Variants in DAGLA observed in about 807,000 individuals in gnomAD.
DAGLA encodes the protein diacylglycerol lipase alpha, also known as diacylglycerol lipase-alpha.
Under a neutral mutation model 102.6 loss-of-function variants are expected in DAGLA, and 22 were observed. That is an observed-to-expected ratio of 0.21 (90% CI 0.15 to 0.31). DAGLA has a LOEUF of 0.31. Ranked by LOEUF, DAGLA falls within the 10% of genes least tolerant of loss-of-function variation. The pLI, the probability that DAGLA is intolerant of heterozygous loss-of-function variation, is 1.00. For synonymous variants in DAGLA, 578 were observed against 628.9 expected (o/e 0.92, Z 1.21); for missense variants, 927 against 1,446.6 (o/e 0.64, Z 5.83).
intron 1 of DAGLA, 78 bp downstream of exon 1, chr11:61,680,582 C>A: frequency 6.7e-6 from 1 of 149,394 alleles, no homozygotes; most frequent in South Asian, 1.8e-4. Flanking sequence ...TGGGCAGTGT[C>A]CAGGGCGCGC....
rs1828672747 is a variant in DAGLA, at chr11:61,725,938, C to T, written c.549-57C>T. ...GCCCTGTTTCCATAACGTCTGGGTC[C>T]CAGCTCTTCTGGTCCAGCCCTCTGA... On this transcript the variant is annotated intron_variant, in intron 5 of 19. Coordinates refer to ENST00000257215, the MANE Select transcript of DAGLA (RefSeq NM_006133.3). 1.5e-5 allele frequency: 22 copies of T among 1,509,186 alleles called. 1 individual carries two copies. The highest frequency in any genetic ancestry group is 1.9e-5 in the Non-Finnish European group (21 of 1,087,908). 93.5% of individuals were successfully genotyped at this position (1,509,186 alleles called of 1,614,324 possible).
At chr11:61,689,099 G>A (rs1169904198) in intron 1 of DAGLA, among the ~76,000 whole-genome samples, 3 of 152,256 alleles carry the variant, frequency 2.0e-5, no homozygotes, top group African/African-American at 4.8e-5. Flanking sequence ...CCTTCTGCGG[G>A]CCGGGATTAC....
chr11:61,731,366 T>C lies in DAGLA; in HGVS notation c.899T>C (p.Leu300Pro). The C allele has an allele frequency of 6.2e-7, 1 of 1,614,144 alleles. No individual in the cohort carries two copies. The highest frequency in any genetic ancestry group is 8.5e-7 in the Non-Finnish European group (1 of 1,180,030). Residue 300 changes from leucine (L) to proline (P), a missense_variant, in exon 9 of 20, where the codon CTG becomes CCG. By Grantham distance (98) the Leu-to-Pro change is moderately conservative. Around this residue, in one of 4 missense-constraint regions of DAGLA, gnomAD observed 231 missense variants for 439.8 expected, o/e 0.53. Transcript: ENST00000257215. ...GTCTGCTACTACATGCTCTTTGCCC[T>C]GGCTGCCTACGGGTGGCCCATGTAC... The part of the protein sequence containing the change: ...KEVCYYMLFA[L>P]AAYGWPMYLM...
rs774547945 is a variant in DAGLA, at chr11:61,684,883, CA to C, written c.-45+4380del. 2.6e-5 allele frequency among the ~76,000 whole-genome samples: 4 copies of C among 152,078 alleles called. No individual in the cohort carries two copies. Among genetic ancestry groups the C allele is most frequent in the East Asian group, 3.9e-4 (2 of 5,174 alleles). ...AGTGGGAGTCGGAGGAGGCTGCCTTCAGGCTGTGGGAGGGCAGAGGGTGGGT... is the reference window on the plus strand; with the variant it reads ...AGTGGGAGTCGGAGGAGGCTGCCTTCGGCTGTGGGAGGGCAGAGGGTGGGT... On this transcript the variant is annotated intron_variant, in intron 1 of 19. Transcript: ENST00000257215. This position sits in a 1 kb window ranked among gnomAD's most constrained non-coding sequence, Gnocchi z 4.5.
chr11:61,694,040 T>C (rs562295472), intron 1 of DAGLA, among the ~76,000 whole-genome samples: 2 of 152,358 alleles, frequency 1.3e-5, no homozygotes, highest in East Asian at 3.9e-4. Flanking sequence ...ACATAGGATA[T>C]GCTCGGAGAG....
intron 5 of DAGLA, 25 bp from the exon 6 acceptor site, chr11:61,725,966 TCACA>T: frequency 6.2e-7 from 1 of 1,605,622 alleles, no homozygotes; most frequent in Non-Finnish European, 8.5e-7. Flanking sequence ...CCCTCTGACC[TCACA>T]CATACCGCCT....
chr11:61,703,678 AATGGATGG>A (rs10664991), intron 1 of DAGLA, among the ~76,000 whole-genome samples: 35 of 149,568 alleles, frequency 2.3e-4, no homozygotes, highest in East Asian at 7.9e-4. Context: ...AGGATGGAGG[AATGGATGG>A]ATGGATGGAT....
intron 1 of DAGLA, among the ~76,000 whole-genome samples, chr11:61,712,184 C>T (rs1034076187): frequency 6.6e-6 from 1 of 152,176 alleles, no homozygotes; most frequent in Non-Finnish European, 1.5e-5. Context: ...ACGAGGAGGG[C>T]ACAGAGAGAA....
intron 1 of DAGLA, among the ~76,000 whole-genome samples, chr11:61,697,833 G>A (rs2065079095): frequency 6.6e-6 from 1 of 152,096 alleles, no homozygotes; most frequent in South Asian, 2.1e-4. Context: ...GGGACTACAG[G>A]CATGCCCTGC....
intron 1 of DAGLA, among the ~76,000 whole-genome samples, chr11:61,689,057 G>A (rs946175598): frequency 1.3e-5 from 2 of 152,282 alleles, no homozygotes; most frequent in African/African-American, 2.4e-5. Context: ...GCTACTGTTA[G>A]GGGATGTTTT....
At chr11:61,725,867 C>T (rs1475254010) in intron 5 of DAGLA, 128 bp from the exon 6 acceptor site, 1 of 862,892 alleles carries the variant, frequency 1.2e-6, no homozygotes, top group Non-Finnish European at 1.9e-6. Flanking sequence ...TGTTCTCCCC[C>T]AGAACCCACT....
In DAGLA at chr11:61,734,954, C is replaced by T. The variant is rs368114067; in HGVS notation, c.1080C>T (p.Asp360=). Residue 360 remains aspartate (D), a synonymous_variant, in exon 10 of 20, where the codon GAC becomes GAT. Transcript: ENST00000257215. This position sits in a 1 kb window ranked among gnomAD's most constrained non-coding sequence, Gnocchi z 4.2. ...NAIAIRRHFL[D]ENMTAVDIVY... is the part of the protein sequence containing the mutation. ...TTGCCATCCGGCGCCACTTCCTGGA[C>T]GAGAACATGACTGCGGTGGACATCG... 172 of 1,614,054 alleles carry T rather than the reference C, an allele frequency of 1.1e-4. No individual in the cohort carries two copies. Among genetic ancestry groups the T allele is most frequent in the South Asian group, 1.5e-4 (14 of 91,080 alleles).
At chr11:61,724,629 G>A (rs944873679) in intron 5 of DAGLA, among the ~76,000 whole-genome samples, 2 of 152,164 alleles carry the variant, frequency 1.3e-5, no homozygotes, top group African/African-American at 4.8e-5. Context: ...GACCTTCCAC[G>A]TCAGCTCAGC....
rs768105248 is a variant in DAGLA at position 61,720,743 on chromosome 11, A to G, written c.160A>G (p.Asn54Asp). 1 of 1,614,000 alleles carries G rather than the reference A, an allele frequency of 6.2e-7. No individual in the cohort carries two copies. Among genetic ancestry groups the G allele is most frequent in the Admixed American group, 1.7e-5 (1 of 60,032 alleles). Residue 54 changes from asparagine (N) to aspartate (D), a missense_variant, in exon 3 of 20, where the codon AAC (asparagine) becomes GAC (aspartate). Asn to Asp is a conservative substitution (Grantham distance 23). Transcript: ENST00000257215. ...VYNPHEACSL[N>D]LVDHGRGYLG... The stretch of plus-strand genomic sequence containing the variant: ...TAACCCGCACGAGGCCTGCTCCCTG[A>G]ACCTGGTGGACCACGGCCGCGGCTA...
In DAGLA at chr11:61,688,523, C is replaced by T. The variant is rs566344778; in HGVS notation, c.-45+8019C>T. Among the ~76,000 whole-genome samples the T allele has an allele frequency of 5.9e-5, 9 of 152,268 alleles. No homozygotes were observed. In the South Asian group the frequency reaches 1.0e-3, roughly 18 times the overall value. Reference sequence around the variant, plus strand: ...GGAACCTGTGTGGCCAGGAGTGGGGCGGGAGATCCTTAGAGTGGCTGCCAG... The same window carrying T: ...GGAACCTGTGTGGCCAGGAGTGGGGTGGGAGATCCTTAGAGTGGCTGCCAG... On this transcript the variant is annotated intron_variant, in intron 1 of 19. Transcript: ENST00000257215.
At position 61,680,401 on chromosome 11, in the gene DAGLA, G is replaced by C. The variant is rs2064930581; in HGVS notation, c.-148G>C. 1 of 151,600 alleles carries C rather than the reference G, an allele frequency of 6.6e-6. No individual in the cohort carries two copies. The highest frequency in any genetic ancestry group is 2.4e-5 in the African/African-American group (1 of 41,026). The allele number at this position is 151,600 out of a possible 1,614,324, so 9.4% of individuals were successfully genotyped here. ...GGGGGCGGAGGCGGCCTTCGCGCCG[G>C]CGCCGGCGCCCTGCGGAAGCGGCGT... is the stretch of plus-strand genomic sequence containing the variant. On this transcript the variant is annotated 5_prime_UTR_variant, in exon 1 of 20. Transcript: ENST00000257215.
intron 1 of DAGLA, among the ~76,000 whole-genome samples, chr11:61,708,392 T>A (rs908107481): frequency 6.6e-6 from 1 of 152,002 alleles, no homozygotes; most frequent in Non-Finnish European, 1.5e-5. Flanking sequence ...AACTTTTTTT[T>A]TTTTTTGAGA....
intron 18 of DAGLA, among the ~76,000 whole-genome samples, 187 bp from the exon 19 acceptor site, chr11:61,740,975 G>A (rs1414710962): frequency 6.6e-6 from 1 of 152,212 alleles, no homozygotes; most frequent in Non-Finnish European, 1.5e-5. Flanking sequence ...GCTGTGGGGC[G>A]AGTCGTGACC....
Position 61,734,350 on chromosome 11 carries a change from C to T in DAGLA, c.975-499C>T, listed in dbSNP as rs934348340. On this transcript the variant is annotated intron_variant, in intron 9 of 19. Coordinates refer to ENST00000257215, the MANE Select transcript of DAGLA (RefSeq NM_006133.3). The surrounding 1 kb of genome is among the most constrained non-coding windows in gnomAD (Gnocchi z 4.2). ...AAGACCTCAGGAGGGTTGGGGTACA[C>T]AAGCAGGGAAGGGGTTTGAGAGCTG... Among the ~76,000 whole-genome samples, 20 of 151,920 alleles carry T rather than the reference C, an allele frequency of 1.3e-4. No homozygotes were observed. Among genetic ancestry groups the T allele is most frequent in the Admixed American group, 5.2e-4 (8 of 15,268 alleles).
Sources: gnomAD v4.1 joint callset for allele counts (sites outside exome capture counted in the v4.1 genomes callset) on GRCh38, gnomAD v4.1.1 for gene constraint, gnomAD v4.1.1 regional missense constraint, Gnocchi (gnomAD v3.1) non-coding constraint, MANE v1.5 for transcripts, NCBI Gene and HGNC (gene_info 2026-07-23, HGNC 2026-07-21) for gene names.